INPP4B: variants seen among roughly 807,000 people sequenced by gnomAD.
INPP4B encodes the protein inositol polyphosphate 4-phosphatase type II.
INPP4B carries 55 observed loss-of-function variants against 122.5 expected under a neutral mutation model. The ratio of observed to expected loss-of-function variants is 0.45; its 90% CI spans 0.36 to 0.56. INPP4B has a LOEUF of 0.56. Among genes scored for constraint, INPP4B ranks in the 20% least tolerant of loss-of-function variants. The pLI is 0.00. For synonymous variants in INPP4B, 403 were observed against 388.7 expected, an observed-to-expected ratio of 1.04 and a Z score of -0.43; for missense variants, 1,000 against 1,097.7, an observed-to-expected ratio of 0.91 and a Z score of 1.26.
intron 14 of INPP4B, among the ~76,000 whole-genome samples, chr4:142,206,161 C>T (rs575769467): frequency 7.9e-5 from 12 of 152,130 alleles, no homozygotes; most frequent in African/African-American, 2.7e-4. Context: ...TAAACTTGCT[C>T]CTGAAAGCTC....
intron 7 of INPP4B, among the ~76,000 whole-genome samples, chr4:142,368,618 T>C (rs917442929): frequency 2.0e-5 from 3 of 152,026 alleles, no homozygotes; most frequent in Non-Finnish European, 2.9e-5. Context: ...CAAGGAAATA[T>C]AATGTTCAAA....
intron 25 of INPP4B, among the ~76,000 whole-genome samples, chr4:142,040,609 T>C (rs753900388): frequency 6.6e-6 from 1 of 152,148 alleles, no homozygotes; most frequent in East Asian, 1.9e-4. Context: ...GAAAGATAAA[T>C]AGGGGATTTC....
chr4:142,792,095 T>C (rs1397072487), intron 1 of INPP4B, among the ~76,000 whole-genome samples: 1 of 152,012 alleles, frequency 6.6e-6, no homozygotes, highest in Non-Finnish European at 1.5e-5. Flanking sequence ...TTTAAAAAAA[T>C]AAATTTTAGC....
chr4:142,517,211 A>AT (rs991180118), intron 2 of INPP4B, among the ~76,000 whole-genome samples: 1 of 152,038 alleles, frequency 6.6e-6, no homozygotes, highest in African/African-American at 2.4e-5. Context: ...TATTCTTCAA[A>AT]TTTTTTTCCA....
Position 142,122,201 on chromosome 4 carries a change from C to A in INPP4B, c.2062G>T (p.Asp688Tyr). 6.2e-7 allele frequency: 1 copy of A among 1,611,800 alleles called. No homozygotes were observed. Among genetic ancestry groups the A allele is most frequent in the East Asian group, 2.2e-5 (1 of 44,718 alleles). Residue 688 changes from aspartate to tyrosine, a missense_variant, in exon 21 of 26, where the codon GAT becomes TAT. Coordinates refer to ENST00000262992, the MANE Select transcript of INPP4B (RefSeq NM_001101669.3). ...ATTTTAAATGCAACTTTCTTTAAAT[C>A]GGAAATGCCAACGGCCATGTCCTCT... is the stretch of plus-strand genomic sequence containing the variant. ...MLEDMAVGIS[D>Y]LKKVAFKIIE...
chr4:142,105,911 T>C (rs1243165095), intron 23 of INPP4B, among the ~76,000 whole-genome samples: 1 of 152,196 alleles, frequency 6.6e-6, no homozygotes, highest in Non-Finnish European at 1.5e-5. Context: ...CCTCTACTCA[T>C]ACTCTTATAA....
intron 3 of INPP4B, among the ~76,000 whole-genome samples, chr4:142,435,449 TAAA>T (rs34703527): frequency 1.9e-5 from 1 of 53,664 alleles, no homozygotes; most frequent in Non-Finnish European, 6.3e-5. Context: ...CCCTTTAAGA[TAAA>T]AAAAAAAGTA....
In INPP4B at chr4:142,274,947, C is replaced by T. The variant is rs535748467; in HGVS notation, c.504-4173G>A. ...GAAGATAGACTTAAATATTTAACCA[C>T]AACAAAAAGATATAGAAGACAAAGA... On this transcript the variant is annotated intron_variant, in intron 9 of 25. Coordinates refer to ENST00000262992, the MANE Select transcript of INPP4B (RefSeq NM_001101669.3). 2.0e-5 allele frequency among the ~76,000 whole-genome samples: 3 copies of T among 151,836 alleles called. 1 individual carries two copies. In the South Asian group the frequency reaches 6.2e-4, roughly 31 times the overall value.
At chr4:142,796,654 G>C (rs1777277456) in intron 1 of INPP4B, among the ~76,000 whole-genome samples, 1 of 151,924 alleles carries the variant, frequency 6.6e-6, no homozygotes, top group South Asian at 2.1e-4. Flanking sequence ...AAGTCTAAAA[G>C]AGCTCTTTCC....
At chr4:142,713,655 C>T (rs568738563) in intron 2 of INPP4B, among the ~76,000 whole-genome samples, 20 of 152,146 alleles carry the variant, frequency 1.3e-4, no homozygotes, top group Non-Finnish European at 2.5e-4. Context: ...TCAACCTTTC[C>T]AGAAACACAG....
At chr4:142,805,824 T>C (rs1221676821) in intron 1 of INPP4B, among the ~76,000 whole-genome samples, 9 of 152,202 alleles carry the variant, frequency 5.9e-5, no homozygotes. Context: ...AGGCTATTAG[T>C]TGTTGTTTTT....
At chr4:142,259,756 C>A (rs922385328) in intron 11 of INPP4B, among the ~76,000 whole-genome samples, 3 of 151,748 alleles carry the variant, frequency 2.0e-5, no homozygotes, top group African/African-American at 7.3e-5. Flanking sequence ...TATTCTATAA[C>A]TTTTTCTTAT....
intron 1 of INPP4B, among the ~76,000 whole-genome samples, chr4:142,736,505 G>A (rs776593888): frequency 6.6e-6 from 1 of 152,026 alleles, no homozygotes; most frequent in African/African-American, 2.4e-5. Flanking sequence ...CCTTGAAGAG[G>A]TCCTTCACAT....
At chr4:142,060,126 G>A (rs1018462686) in intron 25 of INPP4B, among the ~76,000 whole-genome samples, 3 of 152,074 alleles carry the variant, frequency 2.0e-5, no homozygotes, top group East Asian at 3.9e-4. Flanking sequence ...ACCCTGCCCA[G>A]TGAAACTGCC....
chr4:142,521,964 T>A (rs1826136259), intron 2 of INPP4B, among the ~76,000 whole-genome samples: 1 of 152,088 alleles, frequency 6.6e-6, no homozygotes, highest in South Asian at 2.1e-4. Flanking sequence ...GAGTGGTGAA[T>A]TAACTAAAAC....
At chr4:142,289,478 A>G (rs2150948010) in intron 9 of INPP4B, among the ~76,000 whole-genome samples, 1 of 152,314 alleles carries the variant, frequency 6.6e-6, no homozygotes, top group African/African-American at 2.4e-5. Context: ...TCATCCCATC[A>G]CACGGGTATT....
intron 7 of INPP4B, among the ~76,000 whole-genome samples, chr4:142,399,473 A>C (rs576646093): frequency 5.3e-5 from 8 of 151,926 alleles, no homozygotes; most frequent in Admixed American, 5.2e-4. Flanking sequence ...GGGATTACAG[A>C]GCCACTGTGC....
intron 7 of INPP4B, among the ~76,000 whole-genome samples, chr4:142,323,647 A>T (rs368100000): frequency 2.0e-4 from 30 of 151,528 alleles, no homozygotes; most frequent in Admixed American, 1.7e-3. Context: ...GGGTTTCACC[A>T]TGTTAGCCAG....
chr4:142,839,968 TAAAC>T (rs1228843782), intron 1 of INPP4B, among the ~76,000 whole-genome samples: 7 of 152,202 alleles, frequency 4.6e-5, no homozygotes, highest in Admixed American at 2.0e-4. Flanking sequence ...ACCAGACACT[TAAAC>T]AATACAGAGA....
Sources: gnomAD v4.1 joint callset for allele counts (sites outside exome capture counted in the v4.1 genomes callset) on GRCh38, gnomAD v4.1.1 for gene constraint, MANE v1.5 for transcripts, NCBI Gene and HGNC (gene_info 2026-07-23, HGNC 2026-07-21) for gene names.